Variants in ITPK1 observed in about 807,000 individuals in gnomAD.
The protein encoded by ITPK1 is inositol-tetrakisphosphate 1-kinase.
A neutral mutation model predicts 45.3 loss-of-function variants in ITPK1; 21 were observed. The ratio of observed to expected loss-of-function variants is 0.46; its 90% CI spans 0.33 to 0.67. ITPK1 has a LOEUF of 0.67. Among genes scored for constraint, ITPK1 ranks in the 30% least tolerant of loss-of-function variants. ITPK1 has a pLI of 0.02. For synonymous variants in ITPK1, 258 were observed against 253.6 expected (o/e 1.02, Z -0.16); for missense variants, 474 against 573.5 (o/e 0.83, Z 1.77).
At chr14:92,991,901 C>T (rs186141234) in intron 5 of ITPK1, among the ~76,000 whole-genome samples, 1 of 152,296 alleles carries the variant, frequency 6.6e-6, no homozygotes, top group African/African-American at 2.4e-5. Flanking sequence ...CCCAGTGGGC[C>T]GGTCCCATGC....
At position 92,937,703 on chromosome 14, in the gene ITPK1, G is replaced by C. The variant is rs1186080522; in HGVS notation, c.*3858C>G. The C allele has an allele frequency of 6.5e-6, 1 of 152,676 alleles. No individual in the cohort carries two copies. Among genetic ancestry groups the C allele is most frequent in the Non-Finnish European group, 1.5e-5 (1 of 68,380 alleles). The allele number at this position is 152,676 out of a possible 1,614,324, so 9.5% of individuals were successfully genotyped here. ...GGGAGAAGCCTCGCCTGTATCACCT[G>C]AGTCAGGCTTATGCCTGGGCGGGGC... is the stretch of plus-strand genomic sequence containing the variant. On this transcript the variant is annotated 3_prime_UTR_variant, in exon 11 of 11. Transcript: ENST00000267615.
intron 2 of ITPK1, among the ~76,000 whole-genome samples, chr14:93,100,421 C>T (rs1892261558): frequency 1.3e-5 from 2 of 152,248 alleles, no homozygotes; most frequent in South Asian, 4.1e-4. Flanking sequence ...CGCCACAGTG[C>T]CTGGCTGAGA....
rs377286292 is a variant in ITPK1, at chr14:92,946,936, G to A, written c.739-443C>T. Among the ~76,000 whole-genome samples, 12 of 152,340 alleles carry A rather than the reference G, an allele frequency of 7.9e-5. 1 individual carries two copies. The South Asian group carries it at 2.3e-3, about 29-fold the overall frequency. On this transcript the variant is annotated intron_variant, in intron 9 of 10. Transcript: ENST00000267615. ...AGACATGGTGCAGAGCACCGAAGCC[G>A]GAACTTGGAGGCAGGAGGATGTGGG...
chr14:92,945,855 C>T (rs1380347487), intron 10 of ITPK1, among the ~76,000 whole-genome samples: 2 of 152,174 alleles, frequency 1.3e-5, no homozygotes, highest in Non-Finnish European at 2.9e-5. Context: ...GGCCTCTGCC[C>T]GGCGCTGCAG....
intron 3 of ITPK1, among the ~76,000 whole-genome samples, chr14:93,038,958 C>T (rs143338332): frequency 1.3e-5 from 2 of 152,336 alleles, no homozygotes; most frequent in African/African-American, 4.8e-5. Flanking sequence ...ACTCTAATAC[C>T]GTTCCTAAAA....
chr14:93,064,766 C>A (rs994057460), intron 3 of ITPK1, among the ~76,000 whole-genome samples: 1 of 152,240 alleles, frequency 6.6e-6, no homozygotes, highest in African/African-American at 2.4e-5. Flanking sequence ...CCTGAAAGGG[C>A]TGTCTCTGCC....
intron 3 of ITPK1, among the ~76,000 whole-genome samples, chr14:93,031,050 C>T (rs1566745290): frequency 6.6e-6 from 1 of 152,198 alleles, no homozygotes; most frequent in South Asian, 2.1e-4. Flanking sequence ...CTTGGGATCT[C>T]AGACTTCTCA....
At chr14:93,055,630 C>T (rs763275757) in intron 3 of ITPK1, among the ~76,000 whole-genome samples, 3 of 152,186 alleles carry the variant, frequency 2.0e-5, no homozygotes, top group South Asian at 2.1e-4. Flanking sequence ...CACTCACCTG[C>T]GCATGAGCTC....
chr14:93,000,590 C>T (rs141940850), intron 4 of ITPK1, among the ~76,000 whole-genome samples: 3 of 152,336 alleles, frequency 2.0e-5, no homozygotes, highest in East Asian at 3.9e-4. Context: ...CACTGCAGTG[C>T]ACCTGGTCAC....
At position 92,940,062 on chromosome 14, in the gene ITPK1, C is replaced by G. The variant is rs1887284816; in HGVS notation, c.*1499G>C. ...AAAAGCCGGGCAGTTCTGATGGCCT[C>G]TGCCCCTCGCCCAAGCCCTGTGCCT... is the stretch of plus-strand genomic sequence containing the variant. On this transcript the variant is annotated 3_prime_UTR_variant, in exon 11 of 11. Transcript: ENST00000267615. 1.0e-6 allele frequency: 1 copy of G among 985,722 alleles called. No homozygotes were observed. Among genetic ancestry groups the G allele is most frequent in the Non-Finnish European group, 1.2e-6 (1 of 830,010 alleles). The allele number at this position is 985,722 out of a possible 1,614,324, so 61.1% of individuals were successfully genotyped here. A position where few individuals can be genotyped will look rare whatever the true frequency, so the allele number is the denominator to read the frequency against.
intron 3 of ITPK1, among the ~76,000 whole-genome samples, chr14:93,049,504 G>T (rs1889917674): frequency 6.6e-6 from 1 of 152,210 alleles, no homozygotes; most frequent in Admixed American, 6.5e-5. Context: ...TGCCTGGCTG[G>T]CAGGACCAAA....
intron 2 of ITPK1, among the ~76,000 whole-genome samples, chr14:93,077,971 A>G (rs1345129250): frequency 1.3e-5 from 2 of 152,160 alleles, no homozygotes; most frequent in Admixed American, 1.3e-4. Flanking sequence ...AAGGTCAGGA[A>G]TGTGTGGTTT....
At chr14:93,039,059 C>T (rs573140898) in intron 3 of ITPK1, among the ~76,000 whole-genome samples, 3 of 152,316 alleles carry the variant, frequency 2.0e-5, no homozygotes, top group East Asian at 1.9e-4. Context: ...CTACCACCGC[C>T]GACCTTGCTG....
At position 92,941,286 on chromosome 14, in the gene ITPK1, G is replaced by T; in HGVS notation, c.*275C>A. 1 of 1,391,952 alleles carries T rather than the reference G, an allele frequency of 7.2e-7. No homozygotes were observed. The highest frequency in any genetic ancestry group is 2.8e-5 in the East Asian group (1 of 36,058). The allele number at this position is 1,391,952 out of a possible 1,614,324, so 86.2% of individuals were successfully genotyped here. On this transcript the variant is annotated 3_prime_UTR_variant, in exon 11 of 11. Coordinates refer to ENST00000267615, the MANE Select transcript of ITPK1 (RefSeq NM_014216.6). ...CCCTCACCTCCCATCCAGACCTAGT[G>T]TTGCAAACACAAGCGTGTGTAAACT...
At chr14:93,073,677 T>C (rs1891109711) in intron 3 of ITPK1, among the ~76,000 whole-genome samples, 1 of 152,126 alleles carries the variant, frequency 6.6e-6, no homozygotes, top group Non-Finnish European at 1.5e-5. Flanking sequence ...AAGCATTTAG[T>C]AAATGGAGAA....
Position 92,940,783 on chromosome 14 carries a change from C to G in ITPK1, c.*778G>C. 1 of 1,288,908 alleles carries G rather than the reference C, an allele frequency of 7.8e-7. No individual in the cohort carries two copies. The highest frequency in any genetic ancestry group is 1.5e-5 in the African/African-American group (1 of 65,980). The allele number at this position is 1,288,908 out of a possible 1,614,324, so 79.8% of individuals were successfully genotyped here. On this transcript the variant is annotated 3_prime_UTR_variant, in exon 11 of 11. Coordinates refer to ENST00000267615, the MANE Select transcript of ITPK1 (RefSeq NM_014216.6). ...TCACAGCACAAATCCTCAGCACAGG[C>G]GCCATCGGCTCGGGCCTCCAGCCAG...
chr14:93,060,164 C>A (rs190539845), intron 3 of ITPK1, among the ~76,000 whole-genome samples: 1 of 152,066 alleles, frequency 6.6e-6, no homozygotes, highest in Non-Finnish European at 1.5e-5. Flanking sequence ...AGAGCTTCTG[C>A]GACACTTTCT....
chr14:93,014,829 A>G lies in ITPK1; in HGVS notation c.246+1847T>C, dbSNP rs2139851714. 6.6e-6 allele frequency among the ~76,000 whole-genome samples: 1 copy of G among 152,386 alleles called. No individual in the cohort carries two copies. Among genetic ancestry groups the G allele is most frequent in the East Asian group, 1.9e-4 (1 of 5,190 alleles). On this transcript the variant is annotated intron_variant, in intron 4 of 10. Coordinates refer to ENST00000267615, the MANE Select transcript of ITPK1 (RefSeq NM_014216.6). This position sits in a 1 kb window ranked among gnomAD's most constrained non-coding sequence, Gnocchi z 4.4. ...CAACCGCCATGAAGCGCTTTCGAGCAGGGCTTGGTAAGCGGTAACTGCTCT... is the reference window on the plus strand; with the variant it reads ...CAACCGCCATGAAGCGCTTTCGAGCGGGGCTTGGTAAGCGGTAACTGCTCT...
intron 2 of ITPK1, among the ~76,000 whole-genome samples, chr14:93,107,860 T>C (rs2140034635): frequency 6.6e-6 from 1 of 152,328 alleles, no homozygotes; most frequent in South Asian, 2.1e-4. Context: ...CAAGGGCAGC[T>C]GCTTTCTGAG....
Sources: gnomAD v4.1 joint callset for allele counts (sites outside exome capture counted in the v4.1 genomes callset) on GRCh38, gnomAD v4.1.1 for gene constraint, Gnocchi (gnomAD v3.1) non-coding constraint, MANE v1.5 for transcripts, NCBI Gene and HGNC (gene_info 2026-07-23, HGNC 2026-07-21) for gene names.